The following PRKAR1B variants were observed in gnomAD, a reference collection of about 807,000 sequenced individuals.
PRKAR1B encodes the protein cAMP-dependent protein kinase type I-beta regulatory subunit.
In PRKAR1B, 22 loss-of-function variants were observed where a neutral mutation model predicts 46.5. The ratio of observed to expected loss-of-function variants is 0.47; its 90% CI spans 0.34 to 0.68. PRKAR1B has a LOEUF of 0.68. PRKAR1B is among the 30% of genes least tolerant of loss of function. PRKAR1B has a pLI of 0.01. For missense variants in PRKAR1B, 445 were observed against 535.6 expected (o/e 0.83, Z 1.67); for synonymous variants, 259 against 217.7 (o/e 1.19, Z -1.67).
At chr7:664,628 G>C (rs2128497823) in intron 4 of PRKAR1B, among the ~76,000 whole-genome samples, 1 of 152,344 alleles carries the variant, frequency 6.6e-6, no homozygotes, top group Non-Finnish European at 1.5e-5. Flanking sequence ...TACAGCAGCT[G>C]CTGGGTGTGG....
chr7:698,510 G>A (rs576455314), intron 2 of PRKAR1B, among the ~76,000 whole-genome samples: 6 of 152,108 alleles, frequency 3.9e-5, no homozygotes, highest in East Asian at 3.9e-4. Flanking sequence ...AAGTACGTGC[G>A]TGAGCATGTG....
intron 2 of PRKAR1B, among the ~76,000 whole-genome samples, chr7:709,814 G>C (rs1583450306): frequency 6.6e-6 from 1 of 152,056 alleles, no homozygotes. Context: ...CCACAAGCAG[G>C]TGCCACCACA....
intron 1 of PRKAR1B, among the ~76,000 whole-genome samples, chr7:720,976 G>A (rs550558979): frequency 9.8e-5 from 15 of 152,306 alleles, no homozygotes; most frequent in African/African-American, 3.6e-4. Flanking sequence ...GCTTACGCTT[G>A]CCATTTAATC....
intron 4 of PRKAR1B, among the ~76,000 whole-genome samples, chr7:648,567 C>T (rs147272270): frequency 3.5e-4 from 53 of 152,140 alleles, no homozygotes; most frequent in African/African-American, 1.3e-3. Flanking sequence ...GCCGAGATCA[C>T]GCCACCGCAC....
intron 9 of PRKAR1B, chr7:561,953 GTC>G (rs1562520160): frequency 6.6e-6 from 1 of 152,316 alleles, no homozygotes; most frequent in African/African-American, 2.4e-5. Context: ...CCCCTCGGTT[GTC>G]TCTGCAGCCA....
At chr7:720,027 CAGAGA>C in intron 1 of PRKAR1B, among the ~76,000 whole-genome samples, 1 of 148,376 alleles carries the variant, frequency 6.7e-6, no homozygotes, top group Non-Finnish European at 1.5e-5. Flanking sequence ...CCATTATTGT[CAGAGA>C]AGGCGTTCTG....
intron 4 of PRKAR1B, among the ~76,000 whole-genome samples, chr7:614,902 A>G (rs1782716631): frequency 6.6e-6 from 1 of 151,976 alleles, no homozygotes; most frequent in Non-Finnish European, 1.5e-5. Context: ...ACAGAGCAAG[A>G]CTTTGTCTCA....
chr7:588,751 T>C (rs866882857), intron 7 of PRKAR1B, among the ~76,000 whole-genome samples: 397 of 21,284 alleles, frequency 0.019, 11 homozygotes, highest in East Asian at 0.069. Context: ...GTGGTGATGG[T>C]GATGGTGATG....
intron 2 of PRKAR1B, among the ~76,000 whole-genome samples, chr7:688,513 C>T (rs1779228459): frequency 6.6e-6 from 1 of 152,202 alleles, no homozygotes. Context: ...CAGCAAGGCC[C>T]TGCGTGATCT....
intron 9 of PRKAR1B, among the ~76,000 whole-genome samples, chr7:555,589 G>A (rs927815496): frequency 2.0e-5 from 3 of 152,122 alleles, no homozygotes; most frequent in African/African-American, 2.4e-5. Context: ...CCTCCAGCCC[G>A]ACCAGGGAGG....
chr7:642,641 C>T (rs1013023015), intron 4 of PRKAR1B, among the ~76,000 whole-genome samples: 3 of 150,158 alleles, frequency 2.0e-5, no homozygotes, highest in African/African-American at 4.9e-5. Flanking sequence ...AGGAGAATGG[C>T]GTGAACCCGG....
intron 9 of PRKAR1B, among the ~76,000 whole-genome samples, chr7:555,508 C>T (rs561900922): frequency 1.3e-5 from 2 of 152,302 alleles, no homozygotes; most frequent in East Asian, 3.9e-4. Flanking sequence ...AAAGGATGCA[C>T]AGGTACCTTC....
chr7:682,522 G>C (rs527757015), intron 2 of PRKAR1B, among the ~76,000 whole-genome samples: 3 of 152,222 alleles, frequency 2.0e-5, no homozygotes, highest in African/African-American at 7.2e-5. Flanking sequence ...GAGATGGGTG[G>C]ATCACGAGGT....
chr7:701,091 G>A (rs926250546), intron 2 of PRKAR1B, among the ~76,000 whole-genome samples: 3 of 152,006 alleles, frequency 2.0e-5, no homozygotes, highest in Non-Finnish European at 4.4e-5. Flanking sequence ...GGGAGGCTGA[G>A]GCAGGAGAAT....
intron 6 of PRKAR1B, among the ~76,000 whole-genome samples, chr7:605,255 G>GCT (rs1781948576): frequency 6.6e-6 from 1 of 152,242 alleles, no homozygotes; most frequent in East Asian, 1.9e-4. Flanking sequence ...CTCCGCAGGG[G>GCT]CTCGGGCCTG....
chr7:694,067 G>C (rs1431659917), intron 2 of PRKAR1B, among the ~76,000 whole-genome samples: 2 of 152,038 alleles, frequency 1.3e-5, no homozygotes, highest in Non-Finnish European at 2.9e-5. Context: ...GGCAGATCAC[G>C]AGGTCAGGAG....
chr7:675,641 C>T (rs568205662), intron 4 of PRKAR1B, among the ~76,000 whole-genome samples: 1 of 152,226 alleles, frequency 6.6e-6, no homozygotes, highest in South Asian at 2.1e-4. Flanking sequence ...GATGACCACC[C>T]AATGTTCATA....
At chr7:723,563 A>G (rs963373540) in intron 1 of PRKAR1B, among the ~76,000 whole-genome samples, 4 of 152,144 alleles carry the variant, frequency 2.6e-5, no homozygotes, top group Non-Finnish European at 5.9e-5. Flanking sequence ...AGCAAGGAAA[A>G]GTGAAGTCCC....
At chr7:599,446 G>T (rs1781467194) in intron 6 of PRKAR1B, among the ~76,000 whole-genome samples, 1 of 151,944 alleles carries the variant, frequency 6.6e-6, no homozygotes, top group Admixed American at 6.6e-5. Flanking sequence ...CTGCCACCAC[G>T]CCCGGCTAAT....
Sources: gnomAD v4.1 joint callset for allele counts (sites outside exome capture counted in the v4.1 genomes callset) on GRCh38, gnomAD v4.1.1 for gene constraint, MANE v1.5 for transcripts, NCBI Gene and HGNC (gene_info 2026-07-23, HGNC 2026-07-21) for gene names.